Variants in STK39 observed in about 807,000 individuals in gnomAD.
STK39 encodes the protein STE20/SPS1-related proline-alanine-rich protein kinase.
STK39 carries 20 observed loss-of-function variants against 77.8 expected under a neutral mutation model. The observed-to-expected ratio is 0.26, with a 90% CI of 0.18 to 0.37. The LOEUF is 0.37. STK39 is among the 10% of genes least tolerant of loss of function. The pLI is 1.00. For missense variants in STK39, 479 were observed against 656.5 expected (o/e 0.73, Z 2.95); for synonymous variants, 246 against 234.1 (o/e 1.05, Z -0.47).
intron 1 of STK39, among the ~76,000 whole-genome samples, chr2:168,207,637 A>C (rs1167671124): frequency 6.6e-6 from 1 of 152,234 alleles, no homozygotes; most frequent in Non-Finnish European, 1.5e-5. Flanking sequence ...ATACAAAAAA[A>C]ATTTTAAAGC....
intron 1 of STK39, among the ~76,000 whole-genome samples, chr2:168,205,233 A>T (rs1689711880): frequency 1.3e-5 from 2 of 152,240 alleles, no homozygotes; most frequent in South Asian, 2.1e-4. Context: ...AGAATGAGAA[A>T]ATGAATAATA....
chr2:168,008,506 T>C (rs929962783), intron 16 of STK39, among the ~76,000 whole-genome samples: 1 of 152,178 alleles, frequency 6.6e-6, no homozygotes, highest in Non-Finnish European at 1.5e-5. Flanking sequence ...GATTAAATCT[T>C]GGATGTCTAT....
intron 5 of STK39, among the ~76,000 whole-genome samples, chr2:168,158,613 G>A (rs917220672): frequency 1.3e-5 from 2 of 152,202 alleles, no homozygotes; most frequent in Admixed American, 6.5e-5. Context: ...TCCCATAGAT[G>A]TGAGTTGACA....
intron 16 of STK39, among the ~76,000 whole-genome samples, chr2:168,009,897 A>G (rs187734392): frequency 6.6e-6 from 1 of 152,396 alleles, no homozygotes; most frequent in African/African-American, 2.4e-5. Flanking sequence ...TAAGTTGTAC[A>G]TGAAGTCTGC....
chr2:168,102,402 A>T (rs139841825), intron 10 of STK39, among the ~76,000 whole-genome samples: 4 of 152,276 alleles, frequency 2.6e-5, no homozygotes, highest in African/African-American at 9.6e-5. Flanking sequence ...CCTCCCTTGC[A>T]TGATCTTATG....
chr2:168,031,990 G>A (rs889321723), intron 14 of STK39, among the ~76,000 whole-genome samples: 5 of 152,206 alleles, frequency 3.3e-5, no homozygotes, highest in East Asian at 1.9e-4. Context: ...TCCCTTCAAC[G>A]GTTCCAAATA....
chr2:167,965,335 C>T (rs570570036), intron 16 of STK39, among the ~76,000 whole-genome samples: 2 of 152,312 alleles, frequency 1.3e-5, no homozygotes, highest in East Asian at 1.9e-4. Context: ...TTGAATAATA[C>T]CCAAGTTTGC....
chr2:168,099,184 C>T (rs919150437), intron 10 of STK39, among the ~76,000 whole-genome samples: 4 of 152,218 alleles, frequency 2.6e-5, no homozygotes, highest in Non-Finnish European at 5.9e-5. Flanking sequence ...CCCAGCCAAG[C>T]CCCAGAACCA....
chr2:168,017,279 A>C (rs750242709), intron 14 of STK39, among the ~76,000 whole-genome samples, 184 bp from the exon 15 acceptor site: 4 of 152,098 alleles, frequency 2.6e-5, no homozygotes, highest in Non-Finnish European at 4.4e-5. Flanking sequence ...AGATTTCTTT[A>C]ATTTGATTGA....
At chr2:167,961,999 C>G (rs1205404868) in intron 17 of STK39, among the ~76,000 whole-genome samples, 1 of 152,138 alleles carries the variant, frequency 6.6e-6, no homozygotes, top group Non-Finnish European at 1.5e-5. Flanking sequence ...TTCCTGGAGG[C>G]GCACCCCTGC....
chr2:168,071,674 G>T (rs1421122942), intron 12 of STK39, among the ~76,000 whole-genome samples: 1 of 152,006 alleles, frequency 6.6e-6, no homozygotes, highest in Non-Finnish European at 1.5e-5. Flanking sequence ...GAGGTCAGGA[G>T]ATCGAGACCA....
rs146377434 is a variant in STK39 at position 168,245,051 on chromosome 2, T to C, written c.208+2177A>G. ...ACCCTAATAATTGACCAAGTAGGTA[T>C]ATAAATTGATTATAACTTCTCCCAA... is the stretch of plus-strand genomic sequence containing the variant. On this transcript the variant is annotated intron_variant, in intron 1 of 17. Transcript: ENST00000355999. 1.1e-3 allele frequency among the ~76,000 whole-genome samples: 169 copies of C among 152,358 alleles called. 1 individual carries two copies. The highest frequency in any genetic ancestry group is 3.8e-3 in the African/African-American group (160 of 41,584).
intron 5 of STK39, among the ~76,000 whole-genome samples, chr2:168,144,015 G>A (rs796520665): frequency 5.3e-5 from 8 of 152,292 alleles, no homozygotes; most frequent in African/African-American, 1.9e-4. Flanking sequence ...CTCTTGGTGA[G>A]TAATTTGATG....
intron 1 of STK39, among the ~76,000 whole-genome samples, chr2:168,203,349 G>C (rs927993701): frequency 6.6e-6 from 1 of 151,844 alleles, no homozygotes; most frequent in Non-Finnish European, 1.5e-5. Flanking sequence ...AAAACTGCCT[G>C]AAGGAAACAT....
At chr2:168,234,838 T>A (rs898759401) in intron 1 of STK39, among the ~76,000 whole-genome samples, 2 of 151,172 alleles carry the variant, frequency 1.3e-5, no homozygotes, top group African/African-American at 4.9e-5. Context: ...TCTATTTATT[T>A]ATTCAGACAT....
At chr2:168,234,111 TAA>T (rs376111181) in intron 1 of STK39, among the ~76,000 whole-genome samples, 1 of 152,366 alleles carries the variant, frequency 6.6e-6, no homozygotes, top group African/African-American at 2.4e-5. Context: ...CTTTTTGTAC[TAA>T]GTCAGTGGCA....
chr2:168,233,078 T>G (rs1162820196), intron 1 of STK39, among the ~76,000 whole-genome samples: 1 of 152,174 alleles, frequency 6.6e-6, no homozygotes, highest in African/African-American at 2.4e-5. Flanking sequence ...TTTACTTTAC[T>G]AAACACTCTA....
At chr2:168,184,397 C>T (rs1689156708) in intron 1 of STK39, among the ~76,000 whole-genome samples, 1 of 152,196 alleles carries the variant, frequency 6.6e-6, no homozygotes, top group Admixed American at 6.5e-5. Flanking sequence ...ATTGTCACAA[C>T]ATGGATGGAT....
intron 10 of STK39, among the ~76,000 whole-genome samples, chr2:168,090,057 C>T (rs1418562651): frequency 1.3e-5 from 2 of 152,142 alleles, no homozygotes; most frequent in African/African-American, 2.4e-5. Context: ...CATTCCTCTC[C>T]GAGGTAGCTG....
Sources: allele counts gnomAD v4.1 joint callset (sites outside exome capture counted in the v4.1 genomes callset), GRCh38; gene constraint gnomAD v4.1.1; transcripts MANE v1.5; gene names NCBI Gene and HGNC (gene_info 2026-07-23, HGNC 2026-07-21).